The following NEXN variants were observed in gnomAD, a reference collection of about 807,000 sequenced individuals.
NEXN encodes nexilin.
A neutral mutation model predicts 92.6 loss-of-function variants in NEXN; 65 were observed. The observed-to-expected ratio is 0.70, with a 90% CI of 0.57 to 0.86. NEXN has a LOEUF of 0.86. Ranked by LOEUF, NEXN falls within the 40% of genes least tolerant of loss-of-function variation. The probability of loss-of-function intolerance (pLI) is 0.00; values close to 1 mark genes in which losing one functional copy is unlikely to be tolerated. For synonymous variants in NEXN, 254 were observed against 242.5 expected (o/e 1.05, Z -0.44); for missense variants, 778 against 771.1 (o/e 1.01, Z -0.11).
intron 7 of NEXN, 45 bp from the exon 8 acceptor site, chr1:77,926,671 T>C: frequency 6.2e-7 from 1 of 1,613,862 alleles, no homozygotes; most frequent in Non-Finnish European, 8.5e-7. Flanking sequence ...GTTAGCAGCA[T>C]TTTCCTTTAT....
At chr1:77,911,723 C>A (rs1310872880) in intron 1 of NEXN, among the ~76,000 whole-genome samples, 1 of 140,328 alleles carries the variant, frequency 7.1e-6, no homozygotes, top group Non-Finnish European at 1.5e-5. Flanking sequence ...GGGTCCTATC[C>A]CCAAGATAGC....
Position 77,933,342 on chromosome 1 carries a change from G to C in NEXN, c.1114G>C (p.Gly372Arg). The C allele has an allele frequency of 6.2e-7, 1 of 1,610,436 alleles. No homozygotes were observed. The highest frequency in any genetic ancestry group is 1.7e-4 in the Middle Eastern group (1 of 6,026). ...KTISQEFLTPGKLEINFEELL... is the reference protein window; with the variant it reads ...KTISQEFLTPRKLEINFEELL... ...AATCTCTCAAGAATTTCTTACACCG[G>C]GAAAACTGGAAATTAATTTTGAAGA... The change falls in exon 10 of 13, where the codon GGA becomes CGA. Residue 372 changes from glycine (G) to arginine (R), a missense_variant. By Grantham distance (125) the Gly-to-Arg change is moderately radical (BLOSUM62 -2). This residue lies in a region of NEXN where 532 missense variants were observed against 476.7 expected (regional missense o/e 1.12). Coordinates refer to ENST00000334785, the MANE Select transcript of NEXN (RefSeq NM_144573.4).
chr1:77,910,764 A>C (rs9662542), intron 1 of NEXN, among the ~76,000 whole-genome samples: 2 of 110,010 alleles, frequency 1.8e-5, no homozygotes, highest in Non-Finnish European at 4.2e-5. Context: ...AAAAAAAAAA[A>C]AAAAAAACTA....
At chr1:77,897,276 C>A (rs1158481817) in intron 1 of NEXN, among the ~76,000 whole-genome samples, 2 of 152,182 alleles carry the variant, frequency 1.3e-5, no homozygotes. Flanking sequence ...TACTGGCAAA[C>A]TGAATCCAGC....
At chr1:77,914,845 G>A (rs1305130951) in intron 1 of NEXN, among the ~76,000 whole-genome samples, 58 of 136,852 alleles carry the variant, frequency 4.2e-4, no homozygotes, top group African/African-American at 1.4e-3. Context: ...CAACAAGAGC[G>A]AAACTACGTC....
intron 11 of NEXN, among the ~76,000 whole-genome samples, chr1:77,941,112 A>C (rs559874737): frequency 6.6e-6 from 1 of 152,296 alleles, no homozygotes; most frequent in East Asian, 1.9e-4. Flanking sequence ...TAGGCAATTA[A>C]ACTGCTTGTT....
At chr1:77,931,017 T>C (rs1246822179) in intron 9 of NEXN, among the ~76,000 whole-genome samples, 1 of 152,070 alleles carries the variant, frequency 6.6e-6, no homozygotes, top group Non-Finnish European at 1.5e-5. Flanking sequence ...TAATCCCTGA[T>C]TCATAAATGG....
chr1:77,914,874 A>G (rs1007487756), intron 1 of NEXN, among the ~76,000 whole-genome samples: 13 of 151,856 alleles, frequency 8.6e-5, no homozygotes, highest in African/African-American at 3.1e-4. Flanking sequence ...AAAAAAAAAG[A>G]AAACCCAGAT....
chr1:77,927,391 A>G (rs76425525), intron 8 of NEXN, among the ~76,000 whole-genome samples: 1,566 of 152,260 alleles, frequency 0.01, 27 homozygotes, highest in African/African-American at 0.037. Flanking sequence ...TAATTACTCA[A>G]TGAACCTGGT....
At chr1:77,941,984 A>G in intron 11 of NEXN, 39 bp from the exon 12 acceptor site, 2 of 1,593,776 alleles carry the variant, frequency 1.3e-6, no homozygotes, top group Non-Finnish European at 1.7e-6. Flanking sequence ...TTGTTTTTAG[A>G]AGGCAAGCAA....
intron 11 of NEXN, among the ~76,000 whole-genome samples, chr1:77,940,914 C>G (rs1320771049): frequency 6.6e-6 from 1 of 152,160 alleles, no homozygotes; most frequent in Non-Finnish European, 1.5e-5. Context: ...CACCAGGTAG[C>G]AGGTTGTCTG....
At chr1:77,920,998 T>C (rs1355126057) in intron 5 of NEXN, among the ~76,000 whole-genome samples, 1 of 152,220 alleles carries the variant, frequency 6.6e-6, no homozygotes, top group African/African-American at 2.4e-5. Flanking sequence ...CTTAGACAGA[T>C]TTATCTTTTT....
At chr1:77,936,135 CTTAAAA>C (rs1650745445) in intron 11 of NEXN, 91 bp downstream of exon 11, 4 of 965,190 alleles carry the variant, frequency 4.1e-6, no homozygotes, top group African/African-American at 1.7e-5. Context: ...AGTTTTAGTA[CTTAAAA>C]TTAATCATTG....
At chr1:77,909,734 A>G (rs186804426) in intron 1 of NEXN, among the ~76,000 whole-genome samples, 2 of 152,330 alleles carry the variant, frequency 1.3e-5, no homozygotes, top group African/African-American at 2.4e-5. Flanking sequence ...TCCCATAAAG[A>G]AAACTTCAGT....
chr1:77,927,231 C>T (rs1326921731), intron 8 of NEXN, among the ~76,000 whole-genome samples: 2 of 151,636 alleles, frequency 1.3e-5, no homozygotes, highest in East Asian at 3.9e-4. Flanking sequence ...GCTGAGATCA[C>T]GCCATTGCAC....
At chr1:77,923,352 T>A (rs1390977467) in intron 5 of NEXN, among the ~76,000 whole-genome samples, 1 of 151,960 alleles carries the variant, frequency 6.6e-6, no homozygotes, top group Admixed American at 6.6e-5. Flanking sequence ...AAAAGTGTGA[T>A]GATGAGAGAA....
chr1:77,935,742 C>T lies in NEXN; in HGVS notation c.1252-81C>T, dbSNP rs1650696344. ...CTGAGGCAGGAGGATTGCTTAAACACAGGAATTCAAGGCCAGCCTTGGCAA... is the reference window on the plus strand; with the variant it reads ...CTGAGGCAGGAGGATTGCTTAAACATAGGAATTCAAGGCCAGCCTTGGCAA... On this transcript the variant is annotated intron_variant, in intron 10 of 12. Coordinates refer to ENST00000334785, the MANE Select transcript of NEXN (RefSeq NM_144573.4). 3.9e-6 allele frequency: 5 copies of T among 1,287,002 alleles called. No individual in the cohort carries two copies. The East Asian group carries it at 9.5e-5, about 24-fold the overall frequency. The allele number at this position is 1,287,002 out of a possible 1,614,324, so 79.7% of individuals were successfully genotyped here.
chr1:77,922,586 G>A (rs1649509945), intron 5 of NEXN, among the ~76,000 whole-genome samples: 1 of 150,970 alleles, frequency 6.6e-6, no homozygotes, highest in Non-Finnish European at 1.5e-5. Context: ...ATATTTTACA[G>A]TATACAAAAT....
At position 77,926,903 on chromosome 1, in the gene NEXN, A is replaced by G. The variant is rs1264120429; in HGVS notation, c.864+11A>G. 2 of 1,613,786 alleles carry G rather than the reference A, an allele frequency of 1.2e-6. No individual in the cohort carries two copies. Among genetic ancestry groups the G allele is most frequent in the Admixed American group, 1.7e-5 (1 of 60,022 alleles). ...GCAAGGCGGCAAATGGTAAATCTACATATTTAAACCTTACAATTAATATTA... is the reference window on the plus strand; with the variant it reads ...GCAAGGCGGCAAATGGTAAATCTACGTATTTAAACCTTACAATTAATATTA... On this transcript the variant is annotated intron_variant, in intron 8 of 12. Coordinates refer to ENST00000334785, the MANE Select transcript of NEXN (RefSeq NM_144573.4).
Sources: allele counts gnomAD v4.1 joint callset (sites outside exome capture counted in the v4.1 genomes callset), GRCh38; gene constraint gnomAD v4.1.1; regional missense constraint gnomAD v4.1.1; transcripts MANE v1.5; gene names NCBI Gene and HGNC (gene_info 2026-07-23, HGNC 2026-07-21).